The following CTNNA3 variants were observed in gnomAD, a reference collection of about 807,000 sequenced individuals.
CTNNA3 encodes catenin alpha 3.
Under a neutral mutation model 95.7 loss-of-function variants are expected in CTNNA3, and 76 were observed. That is an observed-to-expected ratio of 0.79 (90% CI 0.66 to 0.96). CTNNA3 has a LOEUF of 0.96. Among genes scored for constraint, CTNNA3 ranks in the 40% least tolerant of loss-of-function variants. The pLI is 0.00. For missense variants in CTNNA3, 1,191 were observed against 1,089.8 expected (o/e 1.09, Z -1.31); for synonymous variants, 431 against 374.4 (o/e 1.15, Z -1.74).
intron 9 of CTNNA3, among the ~76,000 whole-genome samples, chr10:66,746,707 T>TAG (rs548089890): frequency 3.3e-5 from 5 of 151,410 alleles, no homozygotes; most frequent in South Asian, 4.2e-4. Context: ...AAAATTGTGG[T>TAG]AGAGAGAGAG....
At chr10:67,760,063 C>T (rs976386173) in intron 1 of CTNNA3, among the ~76,000 whole-genome samples, 6 of 152,152 alleles carry the variant, frequency 3.9e-5, no homozygotes, top group African/African-American at 1.4e-4. Flanking sequence ...CAATAGAAAA[C>T]GAATACAAGT....
chr10:67,434,222 G>T (rs948128179), intron 5 of CTNNA3, among the ~76,000 whole-genome samples: 3 of 151,946 alleles, frequency 2.0e-5, no homozygotes, highest in Non-Finnish European at 4.4e-5. Context: ...CTGTTAACTT[G>T]CAAGCTGAGT....
At chr10:66,762,365 A>G (rs897296695) in intron 9 of CTNNA3, among the ~76,000 whole-genome samples, 1 of 152,088 alleles carries the variant, frequency 6.6e-6, no homozygotes, top group African/African-American at 2.4e-5. Flanking sequence ...TGTGGATCCA[A>G]GAACACAGAG....
intron 9 of CTNNA3, among the ~76,000 whole-genome samples, chr10:66,753,141 G>A (rs1173314450): frequency 2.0e-5 from 3 of 152,060 alleles, no homozygotes; most frequent in Admixed American, 2.0e-4. Flanking sequence ...GGGTTGTGGT[G>A]CAGAGATCTA....
intron 1 of CTNNA3, among the ~76,000 whole-genome samples, chr10:67,705,685 G>A (rs547614871): frequency 3.4e-5 from 5 of 146,684 alleles, no homozygotes; most frequent in South Asian, 4.4e-4. Flanking sequence ...GCTAAATGAC[G>A]AGTTAATGGG....
At chr10:67,170,309 A>T (rs1314818231) in intron 7 of CTNNA3, among the ~76,000 whole-genome samples, 1 of 152,214 alleles carries the variant, frequency 6.6e-6, no homozygotes, top group South Asian at 2.1e-4. Context: ...TATCATAAAG[A>T]CACATGTACA....
At chr10:66,160,480 T>C (rs1217751526) in intron 13 of CTNNA3, among the ~76,000 whole-genome samples, 1 of 152,122 alleles carries the variant, frequency 6.6e-6, no homozygotes, top group Non-Finnish European at 1.5e-5. Flanking sequence ...TCCATATATT[T>C]GCATGGCTTT....
At chr10:66,714,469 A>C (rs1436268330) in intron 9 of CTNNA3, among the ~76,000 whole-genome samples, 1 of 151,778 alleles carries the variant, frequency 6.6e-6, no homozygotes, top group East Asian at 1.9e-4. Context: ...GTTTCTCAAA[A>C]CTCTTATTTA....
chr10:66,205,686 T>G (rs547935596), intron 13 of CTNNA3, among the ~76,000 whole-genome samples: 1 of 152,152 alleles, frequency 6.6e-6, no homozygotes, highest in Non-Finnish European at 1.5e-5. Flanking sequence ...CTTTAAAATT[T>G]GGTAAATGTA....
At chr10:66,007,878 C>T (rs2078930008) in intron 15 of CTNNA3, among the ~76,000 whole-genome samples, 1 of 150,334 alleles carries the variant, frequency 6.7e-6, no homozygotes, top group Admixed American at 6.7e-5. Context: ...CTCCTTCCTT[C>T]CTGGAAGGTG....
In CTNNA3 at chr10:66,232,928, C is replaced by T. The variant is rs1022563673; in HGVS notation, c.1884+47542G>A. On this transcript the variant is annotated intron_variant, in intron 13 of 17. Transcript: ENST00000433211. ...ATCCCAGCATTTTGGGAGGCCGAGGCGGGCGGCTCACGAGGTCAGGAGATC... is the reference window on the plus strand; with the variant it reads ...ATCCCAGCATTTTGGGAGGCCGAGGTGGGCGGCTCACGAGGTCAGGAGATC... Among the ~76,000 whole-genome samples, 3 of 151,818 alleles carry T rather than the reference C, an allele frequency of 2.0e-5. 1 individual carries two copies. Among genetic ancestry groups the T allele is most frequent in the South Asian group, 4.1e-4 (2 of 4,820 alleles).
At chr10:67,462,563 C>T (rs1265147675) in intron 5 of CTNNA3, among the ~76,000 whole-genome samples, 1 of 152,100 alleles carries the variant, frequency 6.6e-6, no homozygotes, top group Non-Finnish European at 1.5e-5. Context: ...ATACAAAATC[C>T]CAGGGCAAGA....
At chr10:67,436,660 A>G (rs1846311979) in intron 5 of CTNNA3, among the ~76,000 whole-genome samples, 1 of 152,190 alleles carries the variant, frequency 6.6e-6, no homozygotes, top group Non-Finnish European at 1.5e-5. Context: ...AAAATGGGCT[A>G]AAGACATGAA....
chr10:66,550,591 CT>C (rs1842184959), intron 10 of CTNNA3, among the ~76,000 whole-genome samples: 1 of 152,168 alleles, frequency 6.6e-6, no homozygotes, highest in East Asian at 1.9e-4. Context: ...CTTTGGCCCT[CT>C]AAGAGAAAGT....
At chr10:66,702,932 C>A (rs1282198978) in intron 9 of CTNNA3, among the ~76,000 whole-genome samples, 1 of 152,040 alleles carries the variant, frequency 6.6e-6, no homozygotes, top group Non-Finnish European at 1.5e-5. Context: ...TTTTAATCAT[C>A]ACTATTATCA....
At chr10:67,376,688 A>G (rs1843705139) in intron 5 of CTNNA3, among the ~76,000 whole-genome samples, 1 of 152,210 alleles carries the variant, frequency 6.6e-6, no homozygotes, top group African/African-American at 2.4e-5. Flanking sequence ...AGAAACTAGT[A>G]AGCCAAGTAT....
At chr10:66,869,755 A>C (rs979380159) in intron 7 of CTNNA3, among the ~76,000 whole-genome samples, 3 of 152,112 alleles carry the variant, frequency 2.0e-5, no homozygotes, top group Admixed American at 6.5e-5. Flanking sequence ...TGAGAGGCTA[A>C]GTGTATCATC....
At chr10:67,259,988 T>C (rs1213712244) in intron 5 of CTNNA3, among the ~76,000 whole-genome samples, 1 of 152,194 alleles carries the variant, frequency 6.6e-6, no homozygotes, top group Non-Finnish European at 1.5e-5. Flanking sequence ...ATCCATTACC[T>C]TGGATTAAAG....
rs544534579 is a variant in CTNNA3 at position 67,565,966 on chromosome 10, A to G, written c.293-26297T>C. Among the ~76,000 whole-genome samples the G allele has an allele frequency of 3.1e-5, 4 of 130,702 alleles. No homozygotes were observed. The East Asian group carries it at 8.5e-4, about 28-fold the overall frequency. 85.7% of individuals were successfully genotyped at this position (130,702 alleles called of 152,430 possible). A position where few individuals can be genotyped will look rare whatever the true frequency, so the allele number is the denominator to read the frequency against. On this transcript the variant is annotated intron_variant, in intron 3 of 17. Transcript: ENST00000433211. ...AAACTCAGTGTCCATCAATAGATGA[A>G]TGGATAAAGAAAATGCAGTATATAT...
Sources: allele counts gnomAD v4.1 joint callset (sites outside exome capture counted in the v4.1 genomes callset), GRCh38; gene constraint gnomAD v4.1.1; transcripts MANE v1.5; gene names NCBI Gene and HGNC (gene_info 2026-07-23, HGNC 2026-07-21).